The following ZFYVE9 variants were observed in gnomAD, a reference collection of about 807,000 sequenced individuals.
The protein encoded by ZFYVE9 is zinc finger FYVE domain-containing protein 9.
Under a neutral mutation model 126.7 loss-of-function variants are expected in ZFYVE9, and 43 were observed. The ratio of observed to expected loss-of-function variants is 0.34; its 90% confidence interval spans 0.27 to 0.44. The LOEUF (loss-of-function observed/expected upper bound fraction) is 0.44. Among genes scored for constraint, ZFYVE9 ranks in the 20% least tolerant of loss-of-function variants. The pLI is 1.00. For synonymous variants in ZFYVE9, 521 were observed against 597.4 expected (o/e 0.87, Z 1.87); for missense variants, 1,476 against 1,697.0 (o/e 0.87, Z 2.29).
Position 52,238,883 on chromosome 1 carries a change from C to G in ZFYVE9, c.1466C>G (p.Ser489Cys). The stretch of plus-strand genomic sequence containing the variant: ...TATGGAATGCAAGACCCAGGTGTTT[C>G]TTTTGTTCCAAAGACTTTACCCTCC... ...DSYGMQDPGVSFVPKTLPSKE... is the reference protein window; with the variant it reads ...DSYGMQDPGVCFVPKTLPSKE... The change falls in exon 4 of 19, where the codon TCT becomes TGT. Residue 489 changes from serine to cysteine, a missense_variant. Ser to Cys is a moderately radical substitution (Grantham distance 112). Around this residue, in one of 2 missense-constraint regions of ZFYVE9, gnomAD observed 807 missense variants for 794.6 expected, o/e 1.02. Transcript: ENST00000287727. 6.2e-7 allele frequency: 1 copy of G among 1,614,022 alleles called. No individual in the cohort carries two copies. The highest frequency in any genetic ancestry group is 1.1e-5 in the South Asian group (1 of 91,058).
intron 1 of ZFYVE9, among the ~76,000 whole-genome samples, chr1:52,204,952 C>T (rs974847545): frequency 3.3e-5 from 5 of 152,226 alleles, no homozygotes; most frequent in East Asian, 1.9e-4. Flanking sequence ...CTTTTCTGCC[C>T]GACATCTGGT....
At chr1:52,158,949 T>C (rs1294569065) in intron 1 of ZFYVE9, among the ~76,000 whole-genome samples, 1 of 152,018 alleles carries the variant, frequency 6.6e-6, no homozygotes, top group Non-Finnish European at 1.5e-5. Flanking sequence ...CCTGCCACCA[T>C]GCCCGGCTAA....
intron 13 of ZFYVE9, among the ~76,000 whole-genome samples, chr1:52,309,413 A>G (rs1362952998): frequency 6.6e-6 from 1 of 152,234 alleles, no homozygotes; most frequent in Non-Finnish European, 1.5e-5. Flanking sequence ...CAGGAAGTCG[A>G]GACTGCAGTG....
chr1:52,175,100 T>C (rs370990588), intron 1 of ZFYVE9, among the ~76,000 whole-genome samples: 5 of 152,118 alleles, frequency 3.3e-5, no homozygotes, highest in Admixed American at 6.5e-5. Context: ...TTCCTAGTCT[T>C]GATGGTCTTT....
At chr1:52,300,416 C>A (rs1646022673) in intron 12 of ZFYVE9, among the ~76,000 whole-genome samples, 1 of 151,836 alleles carries the variant, frequency 6.6e-6, no homozygotes, top group Admixed American at 6.6e-5. Context: ...ATGGTGTAAC[C>A]CCGTCTCTAC....
chr1:52,329,012 A>C (rs1364041781), intron 13 of ZFYVE9, among the ~76,000 whole-genome samples: 1 of 152,226 alleles, frequency 6.6e-6, no homozygotes, highest in Non-Finnish European at 1.5e-5. Context: ...CCAAGGAAGT[A>C]AAAGACTTGT....
At chr1:52,302,673 C>T (rs1451944029) in intron 12 of ZFYVE9, among the ~76,000 whole-genome samples, 1 of 151,886 alleles carries the variant, frequency 6.6e-6, no homozygotes, top group Admixed American at 6.6e-5. Context: ...ATTGCTTGAA[C>T]CTGGGAGGCA....
At chr1:52,176,269 C>G (rs1318453532) in intron 1 of ZFYVE9, among the ~76,000 whole-genome samples, 8 of 152,154 alleles carry the variant, frequency 5.3e-5, no homozygotes, top group Non-Finnish European at 1.2e-4. Flanking sequence ...CACTCCAGAC[C>G]CTGTTTGCCT....
intron 4 of ZFYVE9, among the ~76,000 whole-genome samples, chr1:52,240,649 T>C (rs1249552077): frequency 1.3e-5 from 2 of 152,190 alleles, no homozygotes; most frequent in African/African-American, 4.8e-5. Context: ...GTGGAAGTTC[T>C]CTCGGTCTTC....
In ZFYVE9 at chr1:52,263,822, A is replaced by T; in HGVS notation, c.2228A>T (p.Asp743Val). Residue 743 changes from aspartate (D) to valine (V), a missense_variant, in exon 5 of 19, where the codon GAC becomes GTC. Physicochemically the swap from Asp to Val is radical, Grantham distance 152. Transcript: ENST00000287727. Reference sequence around the variant, plus strand: ...CTGAAATGTAAACTGTTATACATGGACAGAAAGGAAGCTAGAGTGTGTGTA... The same window carrying T: ...CTGAAATGTAAACTGTTATACATGGTCAGAAAGGAAGCTAGAGTGTGTGTA... Reference protein sequence around the residue: ...CSLKCKLLYMDRKEARVCVIC... With the variant: ...CSLKCKLLYMVRKEARVCVIC... The T allele has an allele frequency of 6.7e-7, 1 of 1,489,994 alleles. No individual in the cohort carries two copies. The highest frequency in any genetic ancestry group is 9.0e-7 in the Non-Finnish European group (1 of 1,110,022). The allele number at this position is 1,489,994 out of a possible 1,614,324, so 92.3% of individuals were successfully genotyped here. A position where few individuals can be genotyped will look rare whatever the true frequency, so the allele number is the denominator to read the frequency against.
rs113375062 is a variant in ZFYVE9 at position 52,322,377 on chromosome 1, C to CTTT, written c.3439-10373_3439-10371dup. Among the ~76,000 whole-genome samples the CTTT allele has an allele frequency of 6.4e-4, 77 of 119,484 alleles. 2 individuals are homozygous for CTTT. The highest frequency in any genetic ancestry group is 1.5e-3 in the African/African-American group (49 of 32,964). 78.4% of individuals were successfully genotyped at this position (119,484 alleles called of 152,430 possible). Reference sequence around the variant, plus strand: ...AATGTAGCAGCCTAAGTGGTCTTTTCTTTTTTTTTTTTTTTTTTTTGAGAC... The same window carrying CTTT: ...AATGTAGCAGCCTAAGTGGTCTTTTCTTTTTTTTTTTTTTTTTTTTTTTGAGAC... On this transcript the variant is annotated intron_variant, in intron 13 of 18. Coordinates refer to ENST00000287727, the MANE Select transcript of ZFYVE9 (RefSeq NM_004799.4).
At chr1:52,261,149 T>G (rs996038312) in intron 4 of ZFYVE9, among the ~76,000 whole-genome samples, 1 of 152,136 alleles carries the variant, frequency 6.6e-6, no homozygotes, top group Non-Finnish European at 1.5e-5. Context: ...CTAGATTACA[T>G]GATCTTATTT....
At chr1:52,233,074 T>C in intron 2 of ZFYVE9, 97 bp from the exon 3 acceptor site, 1 of 440,374 alleles carries the variant, frequency 2.3e-6, no homozygotes, top group Non-Finnish European at 3.6e-6. Context: ...TACCATTATC[T>C]GGAAAGATTT....
chr1:52,300,569 C>A (rs998090097), intron 12 of ZFYVE9, among the ~76,000 whole-genome samples: 1 of 150,458 alleles, frequency 6.6e-6, no homozygotes, highest in Admixed American at 6.7e-5. Flanking sequence ...CCAGCCTGGG[C>A]GACAGAGTAA....
At chr1:52,245,592 A>G (rs545414887) in intron 4 of ZFYVE9, among the ~76,000 whole-genome samples, 79 of 152,376 alleles carry the variant, frequency 5.2e-4, no homozygotes, top group African/African-American at 1.7e-3. Flanking sequence ...TAACTTGTTC[A>G]AAATCACACA....
chr1:52,229,831 C>A (rs1329065562), intron 2 of ZFYVE9, among the ~76,000 whole-genome samples: 3 of 150,054 alleles, frequency 2.0e-5, no homozygotes, highest in African/African-American at 7.4e-5. Flanking sequence ...AAAGCGGGTT[C>A]TTGTCAAACA....
In ZFYVE9 at chr1:52,198,328, C is replaced by T. The variant is rs367585922; in HGVS notation, c.-142-18041C>T. 7.8e-4 allele frequency among the ~76,000 whole-genome samples: 119 copies of T among 151,768 alleles called. 1 individual carries two copies. The highest frequency in any genetic ancestry group is 2.6e-3 in the African/African-American group (108 of 41,402). On this transcript the variant is annotated intron_variant, in intron 1 of 18. Coordinates refer to ENST00000287727, the MANE Select transcript of ZFYVE9 (RefSeq NM_004799.4). ...AGTAGATGTGGGGTTTCGCTGGTCT[C>T]GAACTCCTGAGGTCAGGTGATCCAC...
rs78708669 is a variant in ZFYVE9, at chr1:52,221,929, C to T, written c.-37+5455C>T. On this transcript the variant is annotated intron_variant, in intron 2 of 18. Coordinates refer to ENST00000287727, the MANE Select transcript of ZFYVE9 (RefSeq NM_004799.4). ...TTTTTAAGGCATAAGAGTTAATCCA[C>T]AGATGACAATATCCAACCAATCCTG... 8.1e-3 allele frequency among the ~76,000 whole-genome samples: 1,230 copies of T among 152,280 alleles called. 25 individuals are homozygous for T. The highest frequency in any genetic ancestry group is 0.028 in the African/African-American group (1,146 of 41,554).
At chr1:52,149,330 A>G (rs1328923869) in intron 1 of ZFYVE9, among the ~76,000 whole-genome samples, 1 of 152,082 alleles carries the variant, frequency 6.6e-6, no homozygotes, top group Non-Finnish European at 1.5e-5. Context: ...AAAAAACCTC[A>G]TAGGAAGGCT....
Sources: allele counts gnomAD v4.1 joint callset (sites outside exome capture counted in the v4.1 genomes callset), GRCh38; gene constraint gnomAD v4.1.1; regional missense constraint gnomAD v4.1.1; transcripts MANE v1.5; gene names NCBI Gene and HGNC (gene_info 2026-07-23, HGNC 2026-07-21).